CDK19: variants seen among roughly 807,000 people sequenced by gnomAD.
CDK19 encodes the protein cyclin dependent kinase 19, also known as cyclin-dependent kinase 19.
CDK19 carries 20 observed loss-of-function variants against 68.3 expected under a neutral mutation model. The ratio of observed to expected loss-of-function variants is 0.29; its 90% CI spans 0.21 to 0.43. CDK19 has a LOEUF of 0.43. CDK19 is among the 20% of genes least tolerant of loss of function. CDK19 has a pLI of 1.00. For synonymous variants in CDK19, 221 were observed against 222.8 expected (o/e 0.99, Z 0.07); for missense variants, 339 against 623.5 (o/e 0.54, Z 4.86).
intron 6 of CDK19, among the ~76,000 whole-genome samples, chr6:110,627,356 A>G (rs1779156815): frequency 6.6e-6 from 1 of 151,884 alleles, no homozygotes; most frequent in African/African-American, 2.4e-5. Context: ...GTGTATGTGT[A>G]TATATATATA....
At chr6:110,773,007 G>T (rs1184818319) in intron 1 of CDK19, among the ~76,000 whole-genome samples, 2 of 149,392 alleles carry the variant, frequency 1.3e-5, no homozygotes, top group Non-Finnish European at 1.5e-5. Flanking sequence ...CTTGAGCCCA[G>T]GGGCTCAAGG....
rs576536906 is a variant in CDK19, at chr6:110,645,110, C to A, written c.457-6404G>T. 7.9e-5 allele frequency among the ~76,000 whole-genome samples: 12 copies of A among 152,204 alleles called. No individual in the cohort carries two copies. The East Asian group carries it at 1.2e-3, about 15-fold the overall frequency. On this transcript the variant is annotated intron_variant, in intron 4 of 12. Coordinates refer to ENST00000368911, the MANE Select transcript of CDK19 (RefSeq NM_015076.5). ...AAAGGATACAATTAACTAGGATGATCTAGAGAGCATATACACAACTTTCTA... is the reference window on the plus strand; with the variant it reads ...AAAGGATACAATTAACTAGGATGATATAGAGAGCATATACACAACTTTCTA...
chr6:110,739,516 C>T (rs1777493029), intron 2 of CDK19, among the ~76,000 whole-genome samples: 1 of 151,752 alleles, frequency 6.6e-6, no homozygotes, highest in South Asian at 2.1e-4. Flanking sequence ...TCAACCTATG[C>T]CCTTCACCCT....
chr6:110,787,673 C>A (rs1398731441), intron 1 of CDK19, among the ~76,000 whole-genome samples: 2 of 152,136 alleles, frequency 1.3e-5, no homozygotes, highest in Non-Finnish European at 2.9e-5. Context: ...AACTCCTGGG[C>A]TCAAGTGATC....
chr6:110,687,428 T>C (rs1321606385), intron 2 of CDK19, among the ~76,000 whole-genome samples: 2 of 152,186 alleles, frequency 1.3e-5, no homozygotes, highest in Non-Finnish European at 2.9e-5. Flanking sequence ...AAATTATCCA[T>C]TTGTAGTTCC....
chr6:110,619,537 AG>A (rs1778577908), intron 12 of CDK19, among the ~76,000 whole-genome samples: 2 of 151,634 alleles, frequency 1.3e-5, no homozygotes, highest in Admixed American at 1.3e-4. Flanking sequence ...CTGCTTGACT[AG>A]GCCTGACCTT....
intron 5 of CDK19, among the ~76,000 whole-genome samples, chr6:110,637,540 A>G (rs1427503694): frequency 2.0e-5 from 3 of 152,254 alleles, no homozygotes; most frequent in Non-Finnish European, 4.4e-5. Context: ...ATAGGGCAGC[A>G]TGAATTTGTA....
intron 1 of CDK19, among the ~76,000 whole-genome samples, chr6:110,788,689 G>T (rs1034136841): frequency 6.6e-6 from 1 of 152,092 alleles, no homozygotes; most frequent in African/African-American, 2.4e-5. Context: ...TTAGCAAAAA[G>T]TGCAAGGTTT....
At chr6:110,696,587 T>C (rs1024449209) in intron 2 of CDK19, among the ~76,000 whole-genome samples, 2 of 152,136 alleles carry the variant, frequency 1.3e-5, no homozygotes, top group African/African-American at 4.8e-5. Context: ...ATTGTATACC[T>C]AGAAAACCCT....
intron 2 of CDK19, among the ~76,000 whole-genome samples, chr6:110,735,443 T>C (rs1777179136): frequency 6.6e-6 from 1 of 152,116 alleles, no homozygotes; most frequent in Non-Finnish European, 1.5e-5. Flanking sequence ...CCAAGCACCA[T>C]ATAGACAGAT....
chr6:110,713,088 T>C (rs1775070919), intron 2 of CDK19, among the ~76,000 whole-genome samples: 1 of 151,590 alleles, frequency 6.6e-6, no homozygotes, highest in Non-Finnish European at 1.5e-5. Context: ...TCCCAGCTAC[T>C]TAGGAGGCTG....
intron 1 of CDK19, among the ~76,000 whole-genome samples, chr6:110,800,932 A>T (rs1051205765): frequency 1.3e-5 from 2 of 152,118 alleles, no homozygotes; most frequent in Non-Finnish European, 2.9e-5. Flanking sequence ...TCAATACAGT[A>T]TTGGAAGCCC....
At chr6:110,701,536 A>G (rs1235670971) in intron 2 of CDK19, among the ~76,000 whole-genome samples, 2 of 151,492 alleles carry the variant, frequency 1.3e-5, no homozygotes, top group African/African-American at 4.9e-5. Flanking sequence ...TGGGCAACAG[A>G]GCAAGACTCT....
chr6:110,730,601 T>C (rs908323797), intron 2 of CDK19, among the ~76,000 whole-genome samples: 1 of 152,174 alleles, frequency 6.6e-6, no homozygotes. Flanking sequence ...ACTCAACAGA[T>C]TGGAATAATT....
At chr6:110,646,127 T>C in intron 4 of CDK19, 1 of 907,008 alleles carries the variant, frequency 1.1e-6, no homozygotes, top group East Asian at 2.6e-5. Context: ...TTCTCATCTC[T>C]GATGCTAACA....
intron 4 of CDK19, among the ~76,000 whole-genome samples, chr6:110,646,774 C>T (rs1780619250): frequency 6.6e-6 from 1 of 152,088 alleles, no homozygotes; most frequent in Non-Finnish European, 1.5e-5. Flanking sequence ...TGAGTTCTGG[C>T]GTCTGACTCA....
At chr6:110,671,076 T>G (rs529288872) in intron 2 of CDK19, among the ~76,000 whole-genome samples, 79 of 150,970 alleles carry the variant, frequency 5.2e-4, no homozygotes, top group African/African-American at 1.9e-3. Flanking sequence ...TGGTTGAGGG[T>G]TTTTTTTTGA....
intron 1 of CDK19, among the ~76,000 whole-genome samples, chr6:110,795,103 T>A (rs1310232351): frequency 6.6e-6 from 1 of 152,166 alleles, no homozygotes; most frequent in Non-Finnish European, 1.5e-5. Context: ...CCTGAGTAGC[T>A]GGGACTACAG....
At chr6:110,787,482 T>C (rs1326331137) in intron 1 of CDK19, among the ~76,000 whole-genome samples, 1 of 152,176 alleles carries the variant, frequency 6.6e-6, no homozygotes, top group African/African-American at 2.4e-5. Context: ...GGTCTCACTC[T>C]GTCACCCAGG....
Sources: allele counts gnomAD v4.1 joint callset (sites outside exome capture counted in the v4.1 genomes callset), GRCh38; gene constraint gnomAD v4.1.1; transcripts MANE v1.5; gene names NCBI Gene and HGNC (gene_info 2026-07-23, HGNC 2026-07-21).